The following SUDS3 variants were observed in gnomAD, a reference collection of about 807,000 sequenced individuals.
SUDS3 encodes the protein SIN3A corepressor complex component SDS3, also known as sin3 histone deacetylase corepressor complex component SDS3.
In SUDS3, 23 loss-of-function variants were observed where a neutral mutation model predicts 53.5. The observed-to-expected ratio is 0.43, with a 90% CI of 0.31 to 0.61. The LOEUF is 0.61. SUDS3 is among the 20% of genes least tolerant of loss of function. SUDS3 has a pLI of 0.10. For synonymous variants in SUDS3, 150 were observed against 148.5 expected, an observed-to-expected ratio of 1.01 and a Z score of -0.08; for missense variants, 291 against 405.9, an observed-to-expected ratio of 0.72 and a Z score of 2.43.
At chr12:118,380,628 A>G (rs918555436) in intron 2 of SUDS3, among the ~76,000 whole-genome samples, 1 of 152,158 alleles carries the variant, frequency 6.6e-6, no homozygotes, top group African/African-American at 2.4e-5. Context: ...TTTGTTGAGT[A>G]CTCTCTAGAA....
Position 118,408,047 on chromosome 12 carries a change from C to T in SUDS3, c.804-3026C>T, listed in dbSNP as rs562769021. ...TCCCAAGTAGCTGGGACTACAGGCA[C>T]CCGCCACCACGCCCAGCTAATTTTT... On this transcript the variant is annotated intron_variant, in intron 10 of 11. Coordinates refer to ENST00000543473, the MANE Select transcript of SUDS3 (RefSeq NM_022491.3). 1.1e-4 allele frequency among the ~76,000 whole-genome samples: 17 copies of T among 152,186 alleles called. No homozygotes were observed. The East Asian group carries it at 3.3e-3, about 30-fold the overall frequency.
Position 118,414,542 on chromosome 12 carries a change from C to T in SUDS3, c.*109C>T, listed in dbSNP as rs2046384146. 1 of 928,320 alleles carries T rather than the reference C, an allele frequency of 1.1e-6. No individual in the cohort carries two copies. The highest frequency in any genetic ancestry group is 3.4e-4 in the Middle Eastern group (1 of 2,908). The allele number at this position is 928,320 out of a possible 1,614,324, so 57.5% of individuals were successfully genotyped here. A position where few individuals can be genotyped will look rare whatever the true frequency, so the allele number is the denominator to read the frequency against. On this transcript the variant is annotated 3_prime_UTR_variant, in exon 12 of 12. Transcript: ENST00000543473. ...TGTTAACTTACTGGGAATAGCTACT[C>T]AGCCTTGGAAATGGAGAGCACTGCA...
intron 3 of SUDS3, among the ~76,000 whole-genome samples, chr12:118,385,062 T>TGA (rs1001227268): frequency 3.3e-5 from 5 of 152,036 alleles, no homozygotes; most frequent in Admixed American, 6.5e-5. Context: ...AGTGAGCTCT[T>TGA]CGGTTTCATA....
At chr12:118,378,944 G>A (rs1476119593) in intron 1 of SUDS3, among the ~76,000 whole-genome samples, 1 of 151,902 alleles carries the variant, frequency 6.6e-6, no homozygotes, top group East Asian at 2.0e-4. Flanking sequence ...CAAAGTGCTG[G>A]GATTACAGGC....
intron 1 of SUDS3, 21 bp downstream of exon 1, chr12:118,376,854 G>C (rs1478913472): frequency 1.3e-6 from 2 of 1,514,384 alleles, no homozygotes; most frequent in South Asian, 1.2e-5. Context: ...CCGCTCGCCC[G>C]GCCGCCCGGA....
chr12:118,388,322 T>C (rs140504629), intron 4 of SUDS3, among the ~76,000 whole-genome samples: 2 of 152,330 alleles, frequency 1.3e-5, no homozygotes, highest in East Asian at 3.9e-4. Flanking sequence ...AGTTTGTATA[T>C]GTGCTTTGTT....
chr12:118,408,340 T>TG (rs1220075970), intron 10 of SUDS3, among the ~76,000 whole-genome samples: 1 of 151,238 alleles, frequency 6.6e-6, no homozygotes, highest in African/African-American at 2.4e-5. Flanking sequence ...GGCCAGTTTT[T>TG]TTTTTTTTTT....
At chr12:118,377,306 C>T (rs11068930) in intron 1 of SUDS3, among the ~76,000 whole-genome samples, 7,378 of 152,062 alleles carry the variant, frequency 0.049, 389 homozygotes, top group East Asian at 0.25. Flanking sequence ...GACCTAGAAC[C>T]AGCCAGATAC....
Position 118,376,751 on chromosome 12 carries a change from C to A in SUDS3, c.60C>A (p.Pro20=). The A allele has an allele frequency of 6.5e-7, 1 of 1,543,826 alleles. No homozygotes were observed. Among genetic ancestry groups the A allele is most frequent in the African/African-American group, 1.4e-5 (1 of 71,918 alleles). ...CCCAGGCTGGAGCGCCGCCGGCCCC[C>A]GAGTACTACCCCGAGGAGGATGAAG... ...APAQAGAPPA[P]EYYPEEDEEL... Residue 20 remains proline (P), a synonymous_variant, in exon 1 of 12, where the codon CCC becomes CCA. Coordinates refer to ENST00000543473, the MANE Select transcript of SUDS3 (RefSeq NM_022491.3).
At chr12:118,389,635 C>T (rs547664046) in intron 4 of SUDS3, among the ~76,000 whole-genome samples, 1 of 152,176 alleles carries the variant, frequency 6.6e-6, no homozygotes, top group East Asian at 1.9e-4. Flanking sequence ...CCTGCCTCAG[C>T]CTCTCGAGTA....
intron 10 of SUDS3, among the ~76,000 whole-genome samples, chr12:118,409,307 C>A (rs1033997236): frequency 2.0e-5 from 3 of 152,002 alleles, no homozygotes; most frequent in Non-Finnish European, 4.4e-5. Flanking sequence ...CCACCACTCC[C>A]GGCTAATTTT....
At position 118,415,749 on chromosome 12, in the gene SUDS3, T is replaced by C. The variant is rs576601451; in HGVS notation, c.*1316T>C. 1 of 152,006 alleles carries C rather than the reference T, an allele frequency of 6.6e-6. No individual in the cohort carries two copies. The highest frequency in any genetic ancestry group is 2.1e-4 in the South Asian group (1 of 4,824). The allele number at this position is 152,006 out of a possible 1,614,324, so 9.4% of individuals were successfully genotyped here. ...TTTTGGTCTCAAGTGATTCTCTTCA[T>C]GTTGTCTCTTGATGTACATACCCCC... On this transcript the variant is annotated 3_prime_UTR_variant, in exon 12 of 12. Transcript: ENST00000543473.
chr12:118,407,059 G>A (rs2046314888), intron 10 of SUDS3, among the ~76,000 whole-genome samples: 1 of 151,792 alleles, frequency 6.6e-6, no homozygotes, highest in Admixed American at 6.6e-5. Flanking sequence ...ACCATGCCTG[G>A]CTAATGTTTT....
At position 118,417,124 on chromosome 12, in the gene SUDS3, A is replaced by G. The variant is rs996017403; in HGVS notation, c.*2691A>G. 1 of 151,858 alleles carries G rather than the reference A, an allele frequency of 6.6e-6. No individual in the cohort carries two copies. The highest frequency in any genetic ancestry group is 2.4e-5 in the African/African-American group (1 of 41,288). 9.4% of individuals were successfully genotyped at this position (151,858 alleles called of 1,614,324 possible). On this transcript the variant is annotated 3_prime_UTR_variant, in exon 12 of 12. Coordinates refer to ENST00000543473, the MANE Select transcript of SUDS3 (RefSeq NM_022491.3). ...AACCACGTCCTTTTGAATAATTTCC[A>G]GATGGATTTCTGTAGCCATACCAAA...
At chr12:118,403,865 A>G (rs1424074416) in intron 10 of SUDS3, among the ~76,000 whole-genome samples, 1 of 152,126 alleles carries the variant, frequency 6.6e-6, no homozygotes, top group African/African-American at 2.4e-5. Flanking sequence ...GCTAAGGTTA[A>G]TAGGTGCTCT....
At chr12:118,403,255 T>C (rs930308862) in intron 9 of SUDS3, among the ~76,000 whole-genome samples, 157 bp from the exon 10 acceptor site, 5 of 152,186 alleles carry the variant, frequency 3.3e-5, no homozygotes, top group African/African-American at 1.2e-4. Flanking sequence ...TTAGATGGAA[T>C]ATACAAGAGT....
At chr12:118,385,509 C>T (rs749610786) in intron 3 of SUDS3, among the ~76,000 whole-genome samples, 2 of 152,220 alleles carry the variant, frequency 1.3e-5, no homozygotes, top group African/African-American at 4.8e-5. Context: ...CACTTCCCCC[C>T]ACAAGATGGG....
rs193298978 is a variant in SUDS3, at chr12:118,404,775, C to G, written c.803+1258C>G. 1.4e-4 allele frequency among the ~76,000 whole-genome samples: 22 copies of G among 152,032 alleles called. No homozygotes were observed. The East Asian group carries it at 3.5e-3, about 24-fold the overall frequency. ...TCATTTATAATGGCTATATAATGACCCTTTGAGTTTCAGTATCTAACCAAA... is the reference window on the plus strand; with the variant it reads ...TCATTTATAATGGCTATATAATGACGCTTTGAGTTTCAGTATCTAACCAAA... On this transcript the variant is annotated intron_variant, in intron 10 of 11. Transcript: ENST00000543473.
At chr12:118,377,840 C>T (rs2046015594) in intron 1 of SUDS3, among the ~76,000 whole-genome samples, 1 of 152,194 alleles carries the variant, frequency 6.6e-6, no homozygotes, top group African/African-American at 2.4e-5. Flanking sequence ...ACGTTTTATT[C>T]ATCTGAGTTT....
Sources: gnomAD v4.1 joint callset for allele counts (sites outside exome capture counted in the v4.1 genomes callset) on GRCh38, gnomAD v4.1.1 for gene constraint, MANE v1.5 for transcripts, NCBI Gene and HGNC (gene_info 2026-07-23, HGNC 2026-07-21) for gene names.